Variants in ANKS1B observed in about 807,000 individuals in gnomAD.
ANKS1B encodes the protein ankyrin repeat and sterile alpha motif domain containing 1B, also known as ankyrin repeat and sterile alpha motif domain-containing protein 1B.
ANKS1B carries 36 observed loss-of-function variants against 148.3 expected under a neutral mutation model. The observed-to-expected ratio is 0.24, with a 90% CI of 0.19 to 0.32. ANKS1B has a LOEUF of 0.32. ANKS1B is among the 10% of genes least tolerant of loss of function. The pLI is 1.00. For synonymous variants in ANKS1B, 542 were observed against 560.8 expected, an observed-to-expected ratio of 0.97 and a Z score of 0.47; for missense variants, 1,157 against 1,542.6, an observed-to-expected ratio of 0.75 and a Z score of 4.19.
At chr12:99,043,531 G>T (rs965679889) in intron 17 of ANKS1B, among the ~76,000 whole-genome samples, 1 of 152,198 alleles carries the variant, frequency 6.6e-6, no homozygotes, top group Non-Finnish European at 1.5e-5. Flanking sequence ...CAGGGTGCCA[G>T]GCATAAGGCT....
chr12:99,776,425 GTCCATGT>G (rs1271652750), intron 6 of ANKS1B, among the ~76,000 whole-genome samples: 4 of 152,160 alleles, frequency 2.6e-5, no homozygotes, highest in Non-Finnish European at 4.4e-5. Flanking sequence ...TTATTAACTT[GTCCATGT>G]TCATTCAGCT....
chr12:99,785,037 G>C (rs931636182), intron 4 of ANKS1B, among the ~76,000 whole-genome samples: 1 of 152,090 alleles, frequency 6.6e-6, no homozygotes, highest in South Asian at 2.1e-4. Flanking sequence ...TAGATGTTTA[G>C]GAATTTTTCT....
chr12:98,922,874 T>C (rs2099803345), intron 17 of ANKS1B, among the ~76,000 whole-genome samples: 1 of 152,130 alleles, frequency 6.6e-6, no homozygotes, highest in Admixed American at 6.6e-5. Flanking sequence ...AAAAATAAAA[T>C]TTTCTTAGAA....
chr12:98,866,590 A>G (rs771383604), intron 17 of ANKS1B, among the ~76,000 whole-genome samples: 13 of 152,324 alleles, frequency 8.5e-5, no homozygotes, highest in African/African-American at 1.2e-4. Context: ...AGGTCTGTAC[A>G]TAAGATTCTC....
At chr12:98,826,580 G>C (rs1005661715) in intron 19 of ANKS1B, among the ~76,000 whole-genome samples, 1 of 152,044 alleles carries the variant, frequency 6.6e-6, no homozygotes, top group Non-Finnish European at 1.5e-5. Context: ...ACTTGAAGTA[G>C]AGGGGTTTCT....
At chr12:99,323,074 T>G (rs1026387010) in intron 12 of ANKS1B, among the ~76,000 whole-genome samples, 1 of 152,174 alleles carries the variant, frequency 6.6e-6, no homozygotes, top group African/African-American at 2.4e-5. Context: ...AATGAACTAA[T>G]ACACTCAGCT....
chr12:99,858,581 T>C (rs1393277532), intron 1 of ANKS1B, among the ~76,000 whole-genome samples: 1 of 152,148 alleles, frequency 6.6e-6, no homozygotes, highest in Non-Finnish European at 1.5e-5. Flanking sequence ...ACACTGATGT[T>C]TATAGCAGCA....
At chr12:99,764,600 T>C (rs1322270395) in intron 8 of ANKS1B, among the ~76,000 whole-genome samples, 1 of 152,124 alleles carries the variant, frequency 6.6e-6, no homozygotes, top group Non-Finnish European at 1.5e-5. Flanking sequence ...TTTTTGTATT[T>C]TTAGTAAAGA....
intron 17 of ANKS1B, among the ~76,000 whole-genome samples, chr12:99,050,126 A>G (rs895931044): frequency 1.3e-5 from 2 of 152,196 alleles, no homozygotes; most frequent in Non-Finnish European, 2.9e-5. Context: ...TTAGTATAGG[A>G]TTATTCAGCC....
In ANKS1B at chr12:99,521,580, A is replaced by G. The variant is rs544417098; in HGVS notation, c.1273-16939T>C. On this transcript the variant is annotated intron_variant, in intron 9 of 26. Coordinates refer to ENST00000683438, the MANE Select transcript of ANKS1B (RefSeq NM_001352186.2). The stretch of plus-strand genomic sequence containing the variant: ...AAGGGACCTAGGTTCTAAGCCCCCT[A>G]ATGCTGTGGTTTTTGCAGACTCATA... Among the ~76,000 whole-genome samples, 8 of 152,200 alleles carry G rather than the reference A, an allele frequency of 5.3e-5. No homozygotes were observed. The South Asian group carries it at 1.7e-3, about 32-fold the overall frequency.
intron 1 of ANKS1B, among the ~76,000 whole-genome samples, chr12:99,971,633 A>G (rs1183721069): frequency 1.3e-5 from 2 of 152,058 alleles, no homozygotes; most frequent in African/African-American, 2.4e-5. Context: ...AAGAAAAATC[A>G]ATGTGGAAGA....
At chr12:99,890,149 G>T (rs574092079) in intron 1 of ANKS1B, among the ~76,000 whole-genome samples, 1 of 152,288 alleles carries the variant, frequency 6.6e-6, no homozygotes, top group East Asian at 1.9e-4. Context: ...TAGATACCGT[G>T]ATGGTTAATT....
chr12:99,690,295 C>T (rs1186039626), intron 8 of ANKS1B, among the ~76,000 whole-genome samples: 1 of 152,062 alleles, frequency 6.6e-6, no homozygotes, highest in African/African-American at 2.4e-5. Flanking sequence ...TATATCATTC[C>T]ACCCCTGGCC....
intron 9 of ANKS1B, among the ~76,000 whole-genome samples, chr12:99,570,172 A>G (rs2097437315): frequency 1.3e-5 from 2 of 152,118 alleles, no homozygotes; most frequent in East Asian, 3.9e-4. Flanking sequence ...CCCCAGCTCC[A>G]TTTCACCCCT....
intron 15 of ANKS1B, among the ~76,000 whole-genome samples, chr12:99,142,970 A>G (rs953670431): frequency 3.9e-5 from 6 of 152,146 alleles, no homozygotes; most frequent in Non-Finnish European, 4.4e-5. Context: ...GTTCAGCTCT[A>G]TCTCTACAGG....
chr12:98,854,083 A>C (rs1416877005), intron 17 of ANKS1B, among the ~76,000 whole-genome samples: 4 of 152,220 alleles, frequency 2.6e-5, no homozygotes, highest in African/African-American at 9.6e-5. Context: ...CACAGCCCCA[A>C]AGGAGAAGAA....
chr12:99,940,369 C>G (rs996655), intron 1 of ANKS1B, among the ~76,000 whole-genome samples: 56,748 of 151,840 alleles, frequency 0.37, 11,015 homozygotes, highest in Middle Eastern at 0.45. Flanking sequence ...AATGTAACAA[C>G]GTTAAAAATC....
intron 8 of ANKS1B, among the ~76,000 whole-genome samples, chr12:99,661,929 G>A (rs1350887316): frequency 6.6e-6 from 1 of 152,088 alleles, no homozygotes; most frequent in Admixed American, 6.6e-5. Context: ...GAATGCTAAT[G>A]AAATAGCTGG....
chr12:98,932,367 T>C (rs1457994361), intron 17 of ANKS1B, among the ~76,000 whole-genome samples: 1 of 152,188 alleles, frequency 6.6e-6, no homozygotes, highest in Non-Finnish European at 1.5e-5. Flanking sequence ...TCCCACTAAA[T>C]GACATCATTT....
Sources: allele counts gnomAD v4.1 joint callset (sites outside exome capture counted in the v4.1 genomes callset), GRCh38; gene constraint gnomAD v4.1.1; transcripts MANE v1.5; gene names NCBI Gene and HGNC (gene_info 2026-07-23, HGNC 2026-07-21).